The following ATP13A5 variants were observed in gnomAD, a reference collection of about 807,000 sequenced individuals.
The protein encoded by ATP13A5 is ATPase 13A5.
Under a neutral mutation model 150.2 loss-of-function variants are expected in ATP13A5, and 149 were observed. The ratio of observed to expected loss-of-function variants is 0.99; its 90% CI spans 0.87 to 1.14. The LOEUF (loss-of-function observed/expected upper bound fraction) is 1.14. Ranked by LOEUF, ATP13A5 falls within the 50% of genes most tolerant of loss-of-function variation. ATP13A5 has a pLI of 0.00. For missense variants in ATP13A5, 1,383 were observed against 1,449.3 expected (o/e 0.95, Z 0.74); for synonymous variants, 497 against 522.2 (o/e 0.95, Z 0.66).
intron 1 of ATP13A5, among the ~76,000 whole-genome samples, chr3:193,375,664 G>A (rs1713615690): frequency 6.6e-6 from 1 of 152,132 alleles, no homozygotes; most frequent in Non-Finnish European, 1.5e-5. Context: ...TAAAGTTTTG[G>A]GTAAAATGAA....
intron 7 of ATP13A5, 131 bp from the exon 8 acceptor site, chr3:193,345,206 G>C: frequency 1.2e-6 from 1 of 803,570 alleles, no homozygotes; most frequent in Non-Finnish European, 2.1e-6. Flanking sequence ...AACTTCTTTT[G>C]ATGCTTCAGC....
At chr3:193,367,153 A>C (rs1380285123) in intron 1 of ATP13A5, among the ~76,000 whole-genome samples, 1 of 152,004 alleles carries the variant, frequency 6.6e-6, no homozygotes, top group Non-Finnish European at 1.5e-5. Flanking sequence ...TAGAAACAAA[A>C]GCAAATTAAA....
At chr3:193,374,576 T>C (rs573414895) in intron 1 of ATP13A5, among the ~76,000 whole-genome samples, 3 of 150,080 alleles carry the variant, frequency 2.0e-5, no homozygotes, top group South Asian at 4.2e-4. Context: ...GCCTGGGAGA[T>C]TGAGGCTGCA....
chr3:193,325,728 C>T (rs915679262), intron 13 of ATP13A5, among the ~76,000 whole-genome samples: 15 of 152,356 alleles, frequency 9.8e-5, no homozygotes, highest in African/African-American at 3.6e-4. Context: ...TTGAAGCACC[C>T]TGGACATCCC....
At chr3:193,312,914 G>A (rs1391559802) in intron 19 of ATP13A5, 1 of 151,120 alleles carries the variant, frequency 6.6e-6, no homozygotes, top group Non-Finnish European at 1.5e-5. Flanking sequence ...CACTGGGAAT[G>A]TGGGGAGAGG....
intron 7 of ATP13A5, among the ~76,000 whole-genome samples, chr3:193,346,442 A>G (rs1486483238): frequency 2.6e-5 from 4 of 152,174 alleles, no homozygotes; most frequent in African/African-American, 9.7e-5. Flanking sequence ...TTGGGGCAAC[A>G]TCAGCGAGAG....
chr3:193,325,101 A>C, intron 13 of ATP13A5, 87 bp from the exon 14 acceptor site: 1 of 1,351,788 alleles, frequency 7.4e-7, no homozygotes, highest in South Asian at 1.4e-5. Flanking sequence ...AGCTCCAAAC[A>C]CCTAACGTTC....
At chr3:193,327,450 T>C (rs539593685) in intron 12 of ATP13A5, among the ~76,000 whole-genome samples, 5 of 152,196 alleles carry the variant, frequency 3.3e-5, no homozygotes, top group Admixed American at 3.3e-4. Context: ...TTTTTGTTCA[T>C]TTTCGAGACT....
intron 25 of ATP13A5, among the ~76,000 whole-genome samples, chr3:193,292,464 A>T (rs1718002698): frequency 6.6e-6 from 1 of 152,092 alleles, no homozygotes; most frequent in Non-Finnish European, 1.5e-5. Flanking sequence ...GTATTTTGTC[A>T]TCCCTTAATT....
At chr3:193,371,622 C>G (rs917058166) in intron 1 of ATP13A5, among the ~76,000 whole-genome samples, 1 of 152,190 alleles carries the variant, frequency 6.6e-6, no homozygotes, top group African/African-American at 2.4e-5. Flanking sequence ...CCCCCATTCT[C>G]TTGCTGGTAG....
In ATP13A5 at chr3:193,354,085, G is replaced by T. The variant is rs564505755; in HGVS notation, c.606+42C>A. The T allele has an allele frequency of 3.9e-6, 6 of 1,520,310 alleles. No homozygotes were observed. In the African/African-American group the frequency reaches 9.1e-5, roughly 23 times the overall value. 94.2% of individuals were successfully genotyped at this position (1,520,310 alleles called of 1,614,324 possible). A position where few individuals can be genotyped will look rare whatever the true frequency, so the allele number is the denominator to read the frequency against. ...TCTAGGAAGTAAGAAGTAAGGGGCAGAAATCTATTTTTTCAAAAAAAAAAG... is the reference window on the plus strand; with the variant it reads ...TCTAGGAAGTAAGAAGTAAGGGGCATAAATCTATTTTTTCAAAAAAAAAAG... On this transcript the variant is annotated intron_variant, in intron 6 of 29. Coordinates refer to ENST00000342358, the MANE Select transcript of ATP13A5 (RefSeq NM_198505.4).
intron 21 of ATP13A5, among the ~76,000 whole-genome samples, chr3:193,309,771 A>G (rs1017248351): frequency 6.6e-6 from 1 of 152,132 alleles, no homozygotes; most frequent in Admixed American, 6.5e-5. Context: ...GTTCAGTCCA[A>G]CCGCTCATGA....
intron 21 of ATP13A5, 47 bp from the exon 22 acceptor site, chr3:193,307,416 A>G: frequency 6.2e-7 from 1 of 1,603,052 alleles, no homozygotes; most frequent in Non-Finnish European, 8.5e-7. Context: ...AAAAATGAAC[A>G]GCTCACTTGA....
chr3:193,344,094 T>C (rs1712232504), intron 8 of ATP13A5, 39 bp from the exon 9 acceptor site: 10 of 1,600,370 alleles, frequency 6.2e-6, no homozygotes, highest in Non-Finnish European at 7.7e-6. Flanking sequence ...GCTGACCTTT[T>C]CCTGTTTTTA....
chr3:193,328,487 CTGA>C (rs972692950), intron 12 of ATP13A5, among the ~76,000 whole-genome samples: 2 of 152,126 alleles, frequency 1.3e-5, no homozygotes, highest in African/African-American at 4.8e-5. Context: ...ATATGTTTTC[CTGA>C]TGATGTTTTT....
intron 19 of ATP13A5, chr3:193,313,815 T>G: frequency 3.7e-5 from 18 of 482,774 alleles, no homozygotes; most frequent in Non-Finnish European, 5.8e-5. Context: ...GGGGTTCTGA[T>G]TTAATTGGTG....
At chr3:193,370,556 C>A (rs1713404148) in intron 1 of ATP13A5, among the ~76,000 whole-genome samples, 1 of 152,158 alleles carries the variant, frequency 6.6e-6, no homozygotes, top group Admixed American at 6.5e-5. Context: ...TTTGGCAACC[C>A]ACTTTACTTC....
chr3:193,296,024 G>A (rs888281204), intron 25 of ATP13A5, among the ~76,000 whole-genome samples: 4 of 152,076 alleles, frequency 2.6e-5, no homozygotes, highest in Admixed American at 2.0e-4. Flanking sequence ...GCAGGCAGCA[G>A]CGAGAGCAAG....
At chr3:193,286,495 G>A (rs112314418) in intron 26 of ATP13A5, among the ~76,000 whole-genome samples, 72 of 152,038 alleles carry the variant, frequency 4.7e-4, no homozygotes, top group African/African-American at 1.4e-3. Flanking sequence ...TAAACTTTTC[G>A]AAATAATTAC....
Sources: allele counts gnomAD v4.1 joint callset (sites outside exome capture counted in the v4.1 genomes callset), GRCh38; gene constraint gnomAD v4.1.1; transcripts MANE v1.5; gene names NCBI Gene and HGNC (gene_info 2026-07-23, HGNC 2026-07-21).